GRM7: variants seen among roughly 807,000 people sequenced by gnomAD.
GRM7 encodes metabotropic glutamate receptor 7.
A neutral mutation model predicts 84.5 loss-of-function variants in GRM7; 35 were observed. The ratio of observed to expected loss-of-function variants is 0.41; its 90% CI spans 0.32 to 0.55. The LOEUF (loss-of-function observed/expected upper bound fraction) is 0.55, where lower values mean the gene tolerates loss of function less well. Ranked by LOEUF, GRM7 falls within the 20% of genes least tolerant of loss-of-function variation. The pLI, the probability that GRM7 is intolerant of heterozygous loss-of-function variation, is 0.19. For synonymous variants in GRM7, 487 were observed against 455.1 expected, an observed-to-expected ratio of 1.07 and a Z score of -0.89; for missense variants, 1,003 against 1,194.6, an observed-to-expected ratio of 0.84 and a Z score of 2.36.
chr3:6,897,286 A>G (rs1456202642), intron 1 of GRM7, among the ~76,000 whole-genome samples: 1 of 152,194 alleles, frequency 6.6e-6, no homozygotes, highest in African/African-American at 2.4e-5. Context: ...GCACATCAGC[A>G]TCACTGGGGA....
intron 1 of GRM7, among the ~76,000 whole-genome samples, chr3:6,989,024 T>C (rs1452032099): frequency 6.6e-6 from 1 of 152,216 alleles, no homozygotes; most frequent in African/African-American, 2.4e-5. Flanking sequence ...TTCTTTAGGG[T>C]AGGATTTCTT....
At chr3:7,161,677 A>C (rs1376435824) in intron 2 of GRM7, among the ~76,000 whole-genome samples, 1 of 152,224 alleles carries the variant, frequency 6.6e-6, no homozygotes. Flanking sequence ...CAATATTACT[A>C]GTCCTTCCTT....
chr3:7,320,146 A>G (rs905235749), intron 4 of GRM7, among the ~76,000 whole-genome samples: 8 of 151,854 alleles, frequency 5.3e-5, no homozygotes, highest in Non-Finnish European at 1.5e-5. Flanking sequence ...AATGTACAGT[A>G]CCTGTGTTTG....
intron 1 of GRM7, among the ~76,000 whole-genome samples, chr3:6,923,598 C>G (rs1697200560): frequency 1.3e-5 from 2 of 152,098 alleles, no homozygotes; most frequent in Non-Finnish European, 2.9e-5. Context: ...TTAACTTTTA[C>G]TATATCTATG....
At chr3:7,606,229 C>G (rs900410347) in intron 8 of GRM7, among the ~76,000 whole-genome samples, 1 of 152,036 alleles carries the variant, frequency 6.6e-6, no homozygotes, top group African/African-American at 2.4e-5. Flanking sequence ...AGTAACAGAG[C>G]AAATGAACCA....
At chr3:7,365,635 G>T in intron 4 of GRM7, among the ~76,000 whole-genome samples, 1 of 109,328 alleles carries the variant, frequency 9.1e-6, no homozygotes, top group Non-Finnish European at 1.8e-5. Context: ...ATGCATGTGT[G>T]TGTGCGTGTG....
chr3:7,350,234 A>G (rs1395219576), intron 4 of GRM7, among the ~76,000 whole-genome samples: 1 of 152,094 alleles, frequency 6.6e-6, no homozygotes, highest in Non-Finnish European at 1.5e-5. Context: ...TGAGCTTGTT[A>G]ATTGATATGG....
chr3:7,531,102 A>G (rs1294060097), intron 7 of GRM7, among the ~76,000 whole-genome samples: 3 of 152,138 alleles, frequency 2.0e-5, no homozygotes, highest in Non-Finnish European at 4.4e-5. Flanking sequence ...TCTTTAATCA[A>G]TCTTGAGTTA....
chr3:7,219,153 G>GT (rs1240785505), intron 2 of GRM7, among the ~76,000 whole-genome samples: 1 of 151,984 alleles, frequency 6.6e-6, no homozygotes, highest in Non-Finnish European at 1.5e-5. Flanking sequence ...GAGATGCTTT[G>GT]TTTTTTTCCC....
intron 4 of GRM7, among the ~76,000 whole-genome samples, chr3:7,351,775 T>A (rs1358017881): frequency 6.6e-6 from 1 of 151,960 alleles, no homozygotes; most frequent in East Asian, 1.9e-4. Flanking sequence ...ATGTTGCTTT[T>A]TGGCCTTTGG....
chr3:7,698,902 T>C (rs1269191191), intron 9 of GRM7, among the ~76,000 whole-genome samples: 2 of 152,206 alleles, frequency 1.3e-5, no homozygotes, highest in East Asian at 3.9e-4. Context: ...TATGGGAATG[T>C]ACTCTATATA....
chr3:7,243,575 C>T (rs1380074021), intron 2 of GRM7, among the ~76,000 whole-genome samples: 1 of 152,104 alleles, frequency 6.6e-6, no homozygotes, highest in Non-Finnish European at 1.5e-5. Flanking sequence ...GACATGAACC[C>T]ATTCTAAACC....
chr3:6,872,787 A>G lies in GRM7; in HGVS notation c.519+10880A>G, dbSNP rs552050293. Among the ~76,000 whole-genome samples the G allele has an allele frequency of 2.7e-3, 415 of 152,316 alleles. 1 individual carries two copies. Among genetic ancestry groups the G allele is most frequent in the Middle Eastern group, 6.8e-3 (2 of 294 alleles). On this transcript the variant is annotated intron_variant, in intron 1 of 9. Transcript: ENST00000357716. Reference sequence around the variant, plus strand: ...CTTCATCCATGTCCCTACAAAGGACATGAACGCATCCATTTTTATGGCTGC... The same window carrying G: ...CTTCATCCATGTCCCTACAAAGGACGTGAACGCATCCATTTTTATGGCTGC...
chr3:7,482,584 G>T (rs1029377717), intron 7 of GRM7, among the ~76,000 whole-genome samples: 2 of 152,184 alleles, frequency 1.3e-5, no homozygotes, highest in Non-Finnish European at 2.9e-5. Context: ...AAAGCAAGTG[G>T]TATGAGAGGC....
chr3:7,625,895 G>A (rs1017843217), intron 8 of GRM7, among the ~76,000 whole-genome samples: 3 of 152,126 alleles, frequency 2.0e-5, no homozygotes, highest in Non-Finnish European at 4.4e-5. Flanking sequence ...AGCAAAGGGA[G>A]AAATTACAGA....
At chr3:6,933,536 G>A (rs1376223722) in intron 1 of GRM7, among the ~76,000 whole-genome samples, 2 of 152,126 alleles carry the variant, frequency 1.3e-5, no homozygotes, top group East Asian at 1.9e-4. Flanking sequence ...TGAAATACGG[G>A]AGGACATTGA....
intron 7 of GRM7, among the ~76,000 whole-genome samples, chr3:7,516,547 C>A (rs1232853057): frequency 6.9e-6 from 1 of 144,228 alleles, no homozygotes; most frequent in African/African-American, 2.5e-5. Flanking sequence ...AATGGAACGT[C>A]AGGGGTACTT....
At chr3:7,560,912 G>T (rs1051720429) in intron 7 of GRM7, among the ~76,000 whole-genome samples, 2 of 152,118 alleles carry the variant, frequency 1.3e-5, no homozygotes, top group African/African-American at 4.8e-5. Context: ...AGCTCAGGAA[G>T]TCCTATCCAA....
intron 9 of GRM7, among the ~76,000 whole-genome samples, chr3:7,721,958 C>G (rs567625197): frequency 2.0e-5 from 3 of 152,142 alleles, no homozygotes. Flanking sequence ...TGACAGTATG[C>G]GTGGATGGAA....
Sources: allele counts gnomAD v4.1 joint callset (sites outside exome capture counted in the v4.1 genomes callset), GRCh38; gene constraint gnomAD v4.1.1; transcripts MANE v1.5; gene names NCBI Gene and HGNC (gene_info 2026-07-23, HGNC 2026-07-21).